The following POLR1D variants were observed in gnomAD, a reference collection of about 807,000 sequenced individuals.
POLR1D encodes RNA polymerase I and III subunit D.
A neutral mutation model predicts 10.8 loss-of-function variants in POLR1D; 8 were observed. The ratio of observed to expected loss-of-function variants is 0.74; its 90% CI spans 0.43 to 1.33. POLR1D has a LOEUF of 1.33. Among genes scored for constraint, POLR1D ranks in the 40% most tolerant of loss-of-function variants. The pLI is 0.01. For synonymous variants in POLR1D, 54 were observed against 57.2 expected, an observed-to-expected ratio of 0.94 and a Z score of 0.25; for missense variants, 152 against 161.7, an observed-to-expected ratio of 0.94 and a Z score of 0.32.
intron 1 of POLR1D, among the ~76,000 whole-genome samples, chr13:27,632,033 T>C (rs1956078500): frequency 6.6e-6 from 1 of 152,196 alleles, no homozygotes; most frequent in Non-Finnish European, 1.5e-5. Context: ...ATAGAGAGCC[T>C]TGATAAAGGT....
chr13:27,636,560 A>G (rs2138539687), intron 1 of POLR1D, among the ~76,000 whole-genome samples: 1 of 152,350 alleles, frequency 6.6e-6, no homozygotes, highest in East Asian at 1.9e-4. Context: ...CCCGATTTCT[A>G]TCAAGCAAAC....
chr13:27,662,723 T>C (rs1184194542), intron 2 of POLR1D, among the ~76,000 whole-genome samples: 1 of 152,138 alleles, frequency 6.6e-6, no homozygotes, highest in African/African-American at 2.4e-5. Flanking sequence ...CAAAGAGGAG[T>C]TAAGTAACTT....
intron 2 of POLR1D, among the ~76,000 whole-genome samples, chr13:27,662,523 G>T (rs1400909293): frequency 6.6e-6 from 1 of 152,104 alleles, no homozygotes; most frequent in African/African-American, 2.4e-5. Context: ...AAATAACTTG[G>T]TTTTAATAGG....
At chr13:27,642,115 A>G (rs1208455734) in intron 1 of POLR1D, among the ~76,000 whole-genome samples, 1 of 152,196 alleles carries the variant, frequency 6.6e-6, no homozygotes, top group African/African-American at 2.4e-5. Flanking sequence ...GGATGTTAAC[A>G]GGTATATATA....
chr13:27,654,099 C>T (rs75081771), intron 2 of POLR1D, among the ~76,000 whole-genome samples: 3 of 152,116 alleles, frequency 2.0e-5, no homozygotes, highest in South Asian at 2.1e-4. Flanking sequence ...TTGTAAATTG[C>T]GTGATTTTAG....
intron 1 of POLR1D, among the ~76,000 whole-genome samples, chr13:27,646,615 G>GT (rs1355847635): frequency 6.6e-6 from 1 of 152,138 alleles, no homozygotes; most frequent in Non-Finnish European, 1.5e-5. Context: ...AAGCTGCTGA[G>GT]TTAACTGAAA....
intron 1 of POLR1D, among the ~76,000 whole-genome samples, chr13:27,644,635 A>T (rs2138550713): frequency 6.6e-6 from 1 of 152,314 alleles, no homozygotes; most frequent in African/African-American, 2.4e-5. Context: ...TAATATAATT[A>T]ATTAGTTTTA....
downstream of POLR1D, among the ~76,000 whole-genome samples, chr13:27,627,731 T>TG (rs1593278327): frequency 8.7e-6 from 1 of 114,760 alleles, no homozygotes; most frequent in Admixed American, 9.7e-5. Flanking sequence ...GTTTTAGTTT[T>TG]TTTTTTTTTT....
At chr13:27,627,727 G>GTGTTTTTTT (rs1566142699), downstream of POLR1D, among the ~76,000 whole-genome samples, 1 of 95,424 alleles carries the variant, frequency 1.0e-5, no homozygotes, top group Non-Finnish European at 2.2e-5. Flanking sequence ...TAAAGTTTTA[G>GTGTTTTTTT]TTTTTTTTTT....
chr13:27,665,791 T>TA lies in POLR1D; in HGVS notation c.209dup (p.Glu71GlyfsTer107), dbSNP rs1413094542. 3.1e-6 allele frequency: 5 copies of TA among 1,613,930 alleles called. No individual in the cohort carries two copies. The highest frequency in any genetic ancestry group is 4.2e-6 in the Non-Finnish European group (5 of 1,179,948). On this transcript the variant is annotated frameshift_variant, in exon 3 of 3. Coordinates refer to the POLR1D transcript ENST00000399697. LOFTEE classifies it low-confidence loss of function (END_TRUNC). ...AAGACCATGAACAAAAAGAGGGCGA[T>TA]AAGGAACCAGCGAAGAGCCAGGCCC... is the stretch of plus-strand genomic sequence containing the variant.
At chr13:27,632,430 C>G (rs541237692) in intron 1 of POLR1D, among the ~76,000 whole-genome samples, 14 of 152,282 alleles carry the variant, frequency 9.2e-5, no homozygotes, top group African/African-American at 2.9e-4. Flanking sequence ...AATAGCATTG[C>G]TTTGGAAAAA....
intron 1 of POLR1D, among the ~76,000 whole-genome samples, chr13:27,644,587 G>A (rs1423602669): frequency 6.6e-6 from 1 of 152,166 alleles, no homozygotes; most frequent in South Asian, 2.1e-4. Context: ...TCTGCTTAAT[G>A]ACTCAGCTCT....
intron 1 of POLR1D, 110 bp from the exon 2 acceptor site, chr13:27,622,765 C>T: frequency 2.9e-6 from 2 of 700,370 alleles, no homozygotes; most frequent in East Asian, 5.4e-5. Flanking sequence ...TTCTGTGTAG[C>T]TGGAGTAGAT....
intron 2 of POLR1D, among the ~76,000 whole-genome samples, chr13:27,648,643 G>A (rs1255965062): frequency 2.6e-5 from 4 of 152,156 alleles, no homozygotes; most frequent in Non-Finnish European, 5.9e-5. Flanking sequence ...TGAAGAAATG[G>A]GCAGCAGGCG....
chr13:27,630,423 G>A (rs1956061638), intron 1 of POLR1D, among the ~76,000 whole-genome samples: 1 of 152,128 alleles, frequency 6.6e-6, no homozygotes, highest in Admixed American at 6.5e-5. Context: ...TGAACTAGTT[G>A]GCTTAAACAA....
chr13:27,626,409 A>C (rs1956010564), downstream of POLR1D, among the ~76,000 whole-genome samples: 1 of 152,208 alleles, frequency 6.6e-6, no homozygotes, highest in African/African-American at 2.4e-5. Flanking sequence ...CTTTAGGGTG[A>C]CCATAAACTC....
intron 2 of POLR1D, among the ~76,000 whole-genome samples, chr13:27,658,379 C>A (rs1365096841): frequency 6.6e-6 from 1 of 152,254 alleles, no homozygotes; most frequent in Non-Finnish European, 1.5e-5. Context: ...AGGTGTTCAG[C>A]CACAAGAGTC....
chr13:27,652,756 G>A (rs1008282755), intron 2 of POLR1D, among the ~76,000 whole-genome samples: 1 of 151,506 alleles, frequency 6.6e-6, no homozygotes, highest in African/African-American at 2.4e-5. Flanking sequence ...TGTAATCCCA[G>A]CTACTCAGGC....
chr13:27,666,496 G>C (rs1956420451), exon 3 of POLR1D: 1 of 152,328 alleles, frequency 6.6e-6, no homozygotes, highest in Admixed American at 6.5e-5. Flanking sequence ...CCTCAAAGTG[G>C]CTTTGAATTT....
Sources: gnomAD v4.1 joint callset for allele counts (sites outside exome capture counted in the v4.1 genomes callset) on GRCh38, gnomAD v4.1.1 for gene constraint, MANE v1.5 for transcripts, NCBI Gene and HGNC (gene_info 2026-07-23, HGNC 2026-07-21) for gene names.